RGS22: variants seen among roughly 807,000 people sequenced by gnomAD.
RGS22 encodes the protein regulator of G protein signaling 22.
RGS22 carries 148 observed loss-of-function variants against 172.9 expected under a neutral mutation model. The observed-to-expected ratio is 0.86, with a 90% CI of 0.75 to 0.98. RGS22 has a LOEUF of 0.98. RGS22 is among the 50% of genes least tolerant of loss of function. RGS22 has a pLI of 0.00. For missense variants in RGS22, 1,347 were observed against 1,440.8 expected (o/e 0.93, Z 1.05); for synonymous variants, 458 against 480.2 (o/e 0.95, Z 0.60).
chr8:100,105,332 T>A (rs1312672714), intron 2 of RGS22, 42 bp downstream of exon 2: 13 of 1,516,548 alleles, frequency 8.6e-6, no homozygotes, highest in Admixed American at 1.7e-5. Flanking sequence ...GCTATTTTTT[T>A]AAAGGCCAAA....
At chr8:100,058,788 A>G (rs1809858677) in intron 9 of RGS22, among the ~76,000 whole-genome samples, 1 of 152,184 alleles carries the variant, frequency 6.6e-6, no homozygotes, top group Non-Finnish European at 1.5e-5. Flanking sequence ...TTAATGAGCA[A>G]TAAGTAATCA....
intron 21 of RGS22, 23 bp from the exon 22 acceptor site, chr8:99,982,139 T>A (rs773292794): frequency 1.2e-5 from 19 of 1,566,854 alleles, no homozygotes; most frequent in Admixed American, 1.8e-5. Flanking sequence ...AAAGATAGAA[T>A]GGTATATAAT....
At chr8:100,071,338 C>T (rs752339027) in intron 6 of RGS22, 31 bp downstream of exon 6, 2 of 1,555,204 alleles carry the variant, frequency 1.3e-6, no homozygotes, top group South Asian at 2.4e-5. Flanking sequence ...TAGTGAAGCG[C>T]TAAGTCATGA....
chr8:100,003,819 A>G (rs1012148235), intron 17 of RGS22, 107 bp downstream of exon 17: 12 of 912,030 alleles, frequency 1.3e-5, no homozygotes, highest in Non-Finnish European at 1.9e-5. Flanking sequence ...TTTTATTGAC[A>G]TGAGTAAAAT....
At chr8:99,997,503 G>T (rs144137140) in intron 19 of RGS22, among the ~76,000 whole-genome samples, 1 of 152,142 alleles carries the variant, frequency 6.6e-6, no homozygotes, top group Non-Finnish European at 1.5e-5. Flanking sequence ...TATAAATTCT[G>T]TCTTCCCAGC....
chr8:100,076,483 T>G (rs1029761787), intron 4 of RGS22, among the ~76,000 whole-genome samples: 1 of 152,222 alleles, frequency 6.6e-6, no homozygotes, highest in African/African-American at 2.4e-5. Context: ...ATTAAATGAA[T>G]TAAAAATTGA....
intron 17 of RGS22, among the ~76,000 whole-genome samples, chr8:100,003,463 T>C (rs769342162): frequency 3.3e-4 from 50 of 152,120 alleles, no homozygotes; most frequent in Non-Finnish European, 5.9e-4. Flanking sequence ...CTTCAGTTTA[T>C]ATTAGATAAA....
chr8:100,003,992 C>G lies in RGS22; in HGVS notation c.2561G>C (p.Ser854Thr). 6.2e-7 allele frequency: 1 copy of G among 1,612,256 alleles called. No homozygotes were observed. Among genetic ancestry groups the G allele is most frequent in the Non-Finnish European group, 8.5e-7 (1 of 1,178,968 alleles). The change falls in exon 17 of 28, where the codon AGT (serine) becomes ACT (threonine). Residue 854 changes from serine to threonine, a missense_variant. Ser to Thr is a moderately conservative substitution (Grantham distance 58, BLOSUM62 1). Transcript: ENST00000360863. ...VPAEYKHFKF[S>T]DLLNNKLEFE... Reference sequence around the variant, plus strand: ...CTCCAGTTTGTTGTTAAGCAGATCACTAAACTTAAAATGCTTGTATTCTGC... The same window carrying G: ...CTCCAGTTTGTTGTTAAGCAGATCAGTAAACTTAAAATGCTTGTATTCTGC...
intron 13 of RGS22, among the ~76,000 whole-genome samples, chr8:100,039,604 G>T (rs529572112): frequency 6.6e-6 from 1 of 151,938 alleles, no homozygotes; most frequent in African/African-American, 2.4e-5. Flanking sequence ...TCGAACTCTT[G>T]ACCTCAAATG....
At position 99,962,954 on chromosome 8, in the gene RGS22, T is replaced by C. The variant is rs1810371672; in HGVS notation, c.3640A>G (p.Ile1214Val). The C allele has an allele frequency of 1.3e-6, 2 of 1,590,040 alleles. No individual in the cohort carries two copies. Among genetic ancestry groups the C allele is most frequent in the African/African-American group, 1.4e-5 (1 of 73,362 alleles). Residue 1214 changes from isoleucine (I) to valine (V), a missense_variant, in exon 25 of 28, where the codon ATA becomes GTA. Transcript: ENST00000360863. The stretch of plus-strand genomic sequence containing the variant: ...ATTCTCTCCTGTTCTAAGGCTTCTA[T>C]ATACTTTGAGTAGCACCAGGTTGGC... ...RQPTWCYSKY[I>V]EALEQERILL...
At position 99,999,298 on chromosome 8, in the gene RGS22, A is replaced by G. The variant is rs1168541081; in HGVS notation, c.2913T>C (p.Leu971=). 6.2e-7 allele frequency: 1 copy of G among 1,613,862 alleles called. No individual in the cohort carries two copies. Among genetic ancestry groups the G allele is most frequent in the Non-Finnish European group, 8.5e-7 (1 of 1,179,952 alleles). The change falls in exon 19 of 28, where the codon CTT becomes CTC. Residue 971 remains leucine, a synonymous_variant. Transcript: ENST00000360863. ...RLENVWLPLF[L]ASEQFAARQK... ...GACGTGCTGCAAACTGTTCACTTGC[A>G]AGAAACAATGGCAGCCATACATTTT...
intron 23 of RGS22, among the ~76,000 whole-genome samples, chr8:99,967,713 A>T (rs150219826): frequency 0.088 from 13,449 of 152,256 alleles, 750 homozygotes; most frequent in African/African-American, 0.15. Context: ...CATCTCTGAA[A>T]GAAAGCCAGC....
At chr8:100,006,758 G>A (rs1241554424) in intron 15 of RGS22, among the ~76,000 whole-genome samples, 1 of 152,130 alleles carries the variant, frequency 6.6e-6, no homozygotes, top group Non-Finnish European at 1.5e-5. Context: ...ACAGAATACA[G>A]TCAGCTGATC....
rs764916848 is a variant in RGS22 at position 100,060,419 on chromosome 8, TATAC to T, written c.1514+2168_1514+2171del. On this transcript the variant is annotated intron_variant, in intron 9 of 27. Coordinates refer to ENST00000360863, the MANE Select transcript of RGS22 (RefSeq NM_015668.5). ...AGCTACGTGTATATATATATATATATATACACACACACACACACACACGCACCCC... is the reference window on the plus strand; with the variant it reads ...AGCTACGTGTATATATATATATATATACACACACACACACACACGCACCCC... Among the ~76,000 whole-genome samples the T allele has an allele frequency of 7.0e-5, 9 of 128,076 alleles. 1 individual carries two copies. Among genetic ancestry groups the T allele is most frequent in the East Asian group, 2.2e-4 (1 of 4,578 alleles). 84.0% of individuals were successfully genotyped at this position (128,076 alleles called of 152,430 possible).
chr8:100,075,412 TG>T (rs1811279902), intron 4 of RGS22, among the ~76,000 whole-genome samples: 1 of 152,180 alleles, frequency 6.6e-6, no homozygotes, highest in African/African-American at 2.4e-5. Context: ...CCACCATGAG[TG>T]GGAGCTTCCT....
chr8:100,026,244 T>C (rs1216678493), intron 14 of RGS22, among the ~76,000 whole-genome samples: 1 of 152,220 alleles, frequency 6.6e-6, no homozygotes, highest in African/African-American at 2.4e-5. Flanking sequence ...CATTTGGATC[T>C]ACACTGTGTC....
intron 3 of RGS22, among the ~76,000 whole-genome samples, chr8:100,086,875 G>A (rs768289742): frequency 1.6e-4 from 25 of 152,084 alleles, no homozygotes; most frequent in Non-Finnish European, 1.5e-5. Flanking sequence ...AGCCACTGAA[G>A]AGTTTTTAGC....
chr8:99,995,517 T>A (rs1457909055), intron 20 of RGS22, among the ~76,000 whole-genome samples: 3 of 152,150 alleles, frequency 2.0e-5, no homozygotes, highest in African/African-American at 7.2e-5. Context: ...AATATGCTCA[T>A]CATCACTGGT....
chr8:100,098,922 T>A (rs1386178807), intron 2 of RGS22, among the ~76,000 whole-genome samples: 2 of 127,484 alleles, frequency 1.6e-5, no homozygotes, highest in African/African-American at 6.7e-5. Flanking sequence ...TTTTATTTTA[T>A]TTTATTTATT....
Sources: gnomAD v4.1 joint callset for allele counts (sites outside exome capture counted in the v4.1 genomes callset) on GRCh38, gnomAD v4.1.1 for gene constraint, MANE v1.5 for transcripts, NCBI Gene and HGNC (gene_info 2026-07-23, HGNC 2026-07-21) for gene names.